The following CRIM1 variants were observed in gnomAD, a reference collection of about 807,000 sequenced individuals.
CRIM1 encodes cysteine rich transmembrane BMP regulator 1, also known as cysteine-rich motor neuron 1 protein.
A neutral mutation model predicts 116.4 loss-of-function variants in CRIM1; 32 were observed. The observed-to-expected ratio is 0.27, with a 90% CI of 0.21 to 0.37. The LOEUF is 0.37. Ranked by LOEUF, CRIM1 falls within the 10% of genes least tolerant of loss-of-function variation. CRIM1 has a pLI of 1.00. For synonymous variants in CRIM1, 590 were observed against 509.2 expected (o/e 1.16, Z -2.13); for missense variants, 1,331 against 1,354.8 (o/e 0.98, Z 0.28).
At chr2:36,387,897 C>T (rs972046763) in intron 1 of CRIM1, among the ~76,000 whole-genome samples, 1 of 150,158 alleles carries the variant, frequency 6.7e-6, no homozygotes, top group Admixed American at 6.6e-5. Context: ...TTTCCATCCT[C>T]CTTGATTCTT....
intron 7 of CRIM1, among the ~76,000 whole-genome samples, chr2:36,483,178 T>C (rs1432303543): frequency 6.6e-6 from 1 of 152,184 alleles, no homozygotes; most frequent in East Asian, 1.9e-4. Flanking sequence ...TGTTTATCGA[T>C]CTCATTATTT....
chr2:36,544,386 C>A lies in CRIM1; in HGVS notation c.2634C>A (p.Val878=). Residue 878 remains valine (V), a synonymous_variant, in exon 15 of 17, where the codon GTC becomes GTA. Transcript: ENST00000280527. ...GTTCCCTTCTTTTAGAAATGTATGT[C>A]CCAGAACCAACCAATATACCCATTG... ...SCCPMCPEMY[V]PEPTNIPIEK... 7.3e-7 allele frequency: 1 copy of A among 1,374,942 alleles called. No individual in the cohort carries two copies. Among genetic ancestry groups the A allele is most frequent in the South Asian group, 2.2e-5 (1 of 45,016 alleles). 85.2% of individuals were successfully genotyped at this position (1,374,942 alleles called of 1,614,324 possible). A position where few individuals can be genotyped will look rare whatever the true frequency, so the allele number is the denominator to read the frequency against.
chr2:36,485,084 C>A (rs1455011950), intron 7 of CRIM1, among the ~76,000 whole-genome samples: 1 of 152,102 alleles, frequency 6.6e-6, no homozygotes, highest in African/African-American at 2.4e-5. Context: ...TATCAGATAC[C>A]CAGCTGAGTT....
chr2:36,404,486 G>C (rs759628866), intron 2 of CRIM1, among the ~76,000 whole-genome samples: 1 of 152,132 alleles, frequency 6.6e-6, no homozygotes, highest in African/African-American at 2.4e-5. Context: ...CTTCCGAGGC[G>C]ACCGCTTTCA....
intron 4 of CRIM1, among the ~76,000 whole-genome samples, chr2:36,459,951 A>G (rs1013382939): frequency 6.6e-6 from 1 of 152,194 alleles, no homozygotes; most frequent in African/African-American, 2.4e-5. Context: ...AGCAAAGGAC[A>G]TGAAGGGAAA....
At chr2:36,363,986 A>G (rs1313885800) in intron 1 of CRIM1, among the ~76,000 whole-genome samples, 1 of 152,178 alleles carries the variant, frequency 6.6e-6, no homozygotes, top group Non-Finnish European at 1.5e-5. Context: ...GAAAATATTC[A>G]TGAGCATCGC....
intron 1 of CRIM1, among the ~76,000 whole-genome samples, chr2:36,388,671 G>C (rs114346890): frequency 2.6e-5 from 4 of 152,100 alleles, no homozygotes; most frequent in South Asian, 2.1e-4. Context: ...CTGTTTCTTC[G>C]TATGCAGTTT....
In CRIM1 at chr2:36,449,616, G is replaced by A. The variant is rs576850205; in HGVS notation, c.869+6881G>A. Reference sequence around the variant, plus strand: ...TCGGTTTTCCAGTCGAAGAAAGGAGGGGAGGAAGGATTTGATTGTCTCAAA... The same window carrying A: ...TCGGTTTTCCAGTCGAAGAAAGGAGAGGAGGAAGGATTTGATTGTCTCAAA... On this transcript the variant is annotated intron_variant, in intron 4 of 16. Transcript: ENST00000280527. Among the ~76,000 whole-genome samples the A allele has an allele frequency of 2.6e-5, 4 of 152,250 alleles. No homozygotes were observed. In the East Asian group the frequency reaches 7.7e-4, roughly 29 times the overall value.
At chr2:36,487,435 T>C (rs1189174263) in intron 7 of CRIM1, among the ~76,000 whole-genome samples, 1 of 152,194 alleles carries the variant, frequency 6.6e-6, no homozygotes, top group Non-Finnish European at 1.5e-5. Flanking sequence ...GTGCCTCTCT[T>C]TTGAAACTGA....
At chr2:36,502,486 A>G (rs1267024964) in intron 8 of CRIM1, among the ~76,000 whole-genome samples, 1 of 152,182 alleles carries the variant, frequency 6.6e-6, no homozygotes, top group Non-Finnish European at 1.5e-5. Context: ...TATTATTTGC[A>G]AATTGTACCC....
At chr2:36,423,806 A>G (rs2689711) in intron 2 of CRIM1, among the ~76,000 whole-genome samples, 122,443 of 152,150 alleles carry the variant, frequency 0.8, 49,988 homozygotes, top group East Asian at 0.99. Context: ...TTACTTATGC[A>G]CCAGGTATTA....
At chr2:36,445,333 C>G (rs920073150) in intron 4 of CRIM1, among the ~76,000 whole-genome samples, 1 of 152,150 alleles carries the variant, frequency 6.6e-6, no homozygotes. Context: ...CAGCAGTCAT[C>G]TCTCACAGCA....
At chr2:36,488,028 C>T (rs1057381902) in intron 7 of CRIM1, among the ~76,000 whole-genome samples, 2 of 152,032 alleles carry the variant, frequency 1.3e-5, no homozygotes, top group Admixed American at 1.3e-4. Context: ...TATCCAATTC[C>T]ACTTCTAGTT....
chr2:36,518,765 A>G (rs531987945), intron 12 of CRIM1, among the ~76,000 whole-genome samples: 1 of 152,196 alleles, frequency 6.6e-6, no homozygotes, highest in African/African-American at 2.4e-5. Context: ...AACCCTACTG[A>G]TGTTTTTTGT....
At chr2:36,431,476 T>G (rs944024338) in intron 2 of CRIM1, among the ~76,000 whole-genome samples, 1 of 152,218 alleles carries the variant, frequency 6.6e-6, no homozygotes, top group Non-Finnish European at 1.5e-5. Flanking sequence ...TTCTTTGAAG[T>G]CTTTCTAAAA....
chr2:36,540,816 A>G (rs998047187), intron 14 of CRIM1, among the ~76,000 whole-genome samples: 1 of 152,206 alleles, frequency 6.6e-6, no homozygotes, highest in Non-Finnish European at 1.5e-5. Flanking sequence ...CGGTGTGATA[A>G]CAAGGACCCA....
At chr2:36,478,045 A>G (rs1439941946) in intron 6 of CRIM1, among the ~76,000 whole-genome samples, 1 of 152,146 alleles carries the variant, frequency 6.6e-6, no homozygotes, top group Non-Finnish European at 1.5e-5. Flanking sequence ...TCTGCACACA[A>G]AGTGGGAGGG....
At chr2:36,402,810 T>G (rs891851596) in intron 2 of CRIM1, among the ~76,000 whole-genome samples, 1 of 151,738 alleles carries the variant, frequency 6.6e-6, no homozygotes, top group Non-Finnish European at 1.5e-5. Flanking sequence ...TACTCTTCGA[T>G]GTGGAGTTTA....
chr2:36,390,531 A>C (rs904655028), intron 1 of CRIM1, among the ~76,000 whole-genome samples: 4 of 152,112 alleles, frequency 2.6e-5, no homozygotes, highest in Non-Finnish European at 4.4e-5. Context: ...TACCAGAATT[A>C]AACATAACAT....
Sources: allele counts gnomAD v4.1 joint callset (sites outside exome capture counted in the v4.1 genomes callset), GRCh38; gene constraint gnomAD v4.1.1; transcripts MANE v1.5; gene names NCBI Gene and HGNC (gene_info 2026-07-23, HGNC 2026-07-21).